FARS2: variants seen among roughly 807,000 people sequenced by gnomAD.
FARS2 encodes the protein phenylalanine--tRNA ligase, mitochondrial.
Under a neutral mutation model 46.4 loss-of-function variants are expected in FARS2, and 40 were observed. That is an observed-to-expected ratio of 0.86 (90% CI 0.67 to 1.12). The LOEUF is 1.12. FARS2 is among the 50% of genes most tolerant of loss of function. The pLI, the probability that FARS2 is intolerant of heterozygous loss-of-function variation, is 0.00. For synonymous variants in FARS2, 234 were observed against 214.9 expected (o/e 1.09, Z -0.78); for missense variants, 513 against 567.9 (o/e 0.90, Z 0.98).
chr6:5,613,317 C>G lies in FARS2; in HGVS notation c.1214C>G (p.Pro405Arg). Residue 405 changes from proline to arginine, a missense_variant, in exon 6 of 7, where the codon CCA (proline) becomes CGA (arginine). Coordinates refer to ENST00000274680, the MANE Select transcript of FARS2 (RefSeq NM_006567.5). ...KVDLIDKFVH[P>R]KTHKTSHCYR... ...GATCTCATAGACAAGTTTGTACATC[C>G]AAAGTAAGTGAAAAGCTTTCTGATT... 1.2e-6 allele frequency: 2 copies of G among 1,611,060 alleles called. No individual in the cohort carries two copies. The highest frequency in any genetic ancestry group is 1.1e-5 in the South Asian group (1 of 90,546).
intron 6 of FARS2, among the ~76,000 whole-genome samples, chr6:5,744,702 G>C (rs1192880341): frequency 2.0e-5 from 3 of 152,182 alleles, no homozygotes; most frequent in Non-Finnish European, 4.4e-5. Context: ...CAGAACACAG[G>C]GCAAGTGTTC....
chr6:5,680,771 T>C (rs1267588749), intron 6 of FARS2, among the ~76,000 whole-genome samples: 1 of 151,736 alleles, frequency 6.6e-6, no homozygotes, highest in Non-Finnish European at 1.5e-5. Context: ...CAAAGTACTG[T>C]TACAGTAGCT....
chr6:5,413,947 T>G (rs1465114148), intron 3 of FARS2, among the ~76,000 whole-genome samples: 1 of 152,228 alleles, frequency 6.6e-6, no homozygotes, highest in Non-Finnish European at 1.5e-5. Context: ...TTAGTTGGAC[T>G]GCTGATTACC....
chr6:5,405,480 C>CTTTTTTTTGTTTTTTTTTT (rs1761521164), intron 3 of FARS2, among the ~76,000 whole-genome samples: 1 of 58,946 alleles, frequency 1.7e-5, no homozygotes, highest in African/African-American at 6.5e-5. Flanking sequence ...GAGCAAGGTT[C>CTTTTTTTTGTTTTTTTTTT]TTTTTTTTTT....
At chr6:5,673,129 A>G (rs2150813169) in intron 6 of FARS2, among the ~76,000 whole-genome samples, 1 of 152,322 alleles carries the variant, frequency 6.6e-6, no homozygotes, top group East Asian at 1.9e-4. Flanking sequence ...AAGGCAAATG[A>G]TAGAATATGC....
intron 5 of FARS2, among the ~76,000 whole-genome samples, chr6:5,588,270 G>A (rs1773727588): frequency 1.3e-5 from 2 of 152,110 alleles, no homozygotes; most frequent in Non-Finnish European, 2.9e-5. Context: ...GTGGGCGTGG[G>A]CAGCAGGGCA....
At chr6:5,673,366 C>T (rs1200150290) in intron 6 of FARS2, among the ~76,000 whole-genome samples, 2 of 152,186 alleles carry the variant, frequency 1.3e-5, no homozygotes, top group Admixed American at 6.5e-5. Context: ...AAGACTCGTT[C>T]GGGAAAACAT....
At chr6:5,739,843 A>G (rs1281039522) in intron 6 of FARS2, among the ~76,000 whole-genome samples, 1 of 152,186 alleles carries the variant, frequency 6.6e-6, no homozygotes, top group Non-Finnish European at 1.5e-5. Flanking sequence ...ACCTGGGTCT[A>G]CATCCAGACC....
intron 1 of FARS2, among the ~76,000 whole-genome samples, chr6:5,358,347 G>A (rs748871941): frequency 5.2e-4 from 79 of 152,130 alleles, no homozygotes; most frequent in Non-Finnish European, 7.1e-4. Flanking sequence ...TTTAAATGCT[G>A]AATATTATGG....
intron 4 of FARS2, among the ~76,000 whole-genome samples, chr6:5,474,109 A>G (rs1164224526): frequency 6.6e-6 from 1 of 152,172 alleles, no homozygotes; most frequent in Non-Finnish European, 1.5e-5. Flanking sequence ...CATACCCATC[A>G]AACTAAAGGA....
chr6:5,703,010 C>T (rs1301931129), intron 6 of FARS2, among the ~76,000 whole-genome samples: 1 of 152,128 alleles, frequency 6.6e-6, no homozygotes, highest in East Asian at 1.9e-4. Context: ...TTCAGTGTTA[C>T]GGGATCCTTC....
intron 5 of FARS2, among the ~76,000 whole-genome samples, chr6:5,612,765 GCT>G: frequency 6.6e-6 from 1 of 152,172 alleles, no homozygotes; most frequent in African/African-American, 2.4e-5. Context: ...ATTTTGATAA[GCT>G]CTTATTCCTC....
intron 6 of FARS2, among the ~76,000 whole-genome samples, chr6:5,688,628 T>C (rs148731078): frequency 0.013 from 1,966 of 152,314 alleles, 47 homozygotes; most frequent in African/African-American, 0.045. Context: ...GATTTTTGCA[T>C]TGATGTTCAT....
At chr6:5,539,396 A>ATG (rs1554106821) in intron 4 of FARS2, among the ~76,000 whole-genome samples, 5 of 136,492 alleles carry the variant, frequency 3.7e-5, no homozygotes, top group African/African-American at 1.2e-4. Context: ...ATATATATAT[A>ATG]TATGTATATA....
intron 4 of FARS2, among the ~76,000 whole-genome samples, chr6:5,465,801 A>G (rs564616461): frequency 6.6e-6 from 1 of 152,160 alleles, no homozygotes; most frequent in African/African-American, 2.4e-5. Flanking sequence ...AAGCATCATT[A>G]GCTTTTTTTA....
rs541791956 is a variant in FARS2 at position 5,733,042 on chromosome 6, G to A, written c.1218-38249G>A. On this transcript the variant is annotated intron_variant, in intron 6 of 6. Coordinates refer to ENST00000274680, the MANE Select transcript of FARS2 (RefSeq NM_006567.5). ...AATGGCCAGACAGGTGAAGTGAGGG[G>A]TTGAGCTTGGATTCCCTTTTCCCAG... Among the ~76,000 whole-genome samples, 3 of 152,274 alleles carry A rather than the reference G, an allele frequency of 2.0e-5. 1 individual carries two copies. The East Asian group carries it at 5.8e-4, about 29-fold the overall frequency.
In FARS2 at chr6:5,349,601, C is replaced by G. The variant is rs368346453; in HGVS notation, c.-21-18949C>G. On this transcript the variant is annotated intron_variant, in intron 1 of 6. Transcript: ENST00000274680. ...CTCTTTTACTAATGTCTTCAATTAG[C>G]CTGGTACATTTGATGCAATTAAGGA... Among the ~76,000 whole-genome samples the G allele has an allele frequency of 6.6e-5, 10 of 152,242 alleles. No individual in the cohort carries two copies. The East Asian group carries it at 1.3e-3, about 21-fold the overall frequency.
chr6:5,335,092 C>T (rs933697084), intron 1 of FARS2, among the ~76,000 whole-genome samples: 3 of 152,174 alleles, frequency 2.0e-5, no homozygotes, highest in African/African-American at 7.2e-5. Context: ...CATCTCTTGA[C>T]ATTTGACCTG....
At chr6:5,647,948 C>G (rs1263400227) in intron 6 of FARS2, among the ~76,000 whole-genome samples, 1 of 152,200 alleles carries the variant, frequency 6.6e-6, no homozygotes, top group Non-Finnish European at 1.5e-5. Flanking sequence ...ATTTTCATTT[C>G]TCTGTCCTTC....
Sources: gnomAD v4.1 joint callset for allele counts (sites outside exome capture counted in the v4.1 genomes callset) on GRCh38, gnomAD v4.1.1 for gene constraint, MANE v1.5 for transcripts, NCBI Gene and HGNC (gene_info 2026-07-23, HGNC 2026-07-21) for gene names.